Variants in PARP14 observed in about 807,000 individuals in gnomAD.
The protein encoded by PARP14 is protein mono-ADP-ribosyltransferase PARP14.
PARP14 carries 59 observed loss-of-function variants against 154.2 expected under a neutral mutation model. The ratio of observed to expected loss-of-function variants is 0.38; its 90% confidence interval spans 0.31 to 0.48. PARP14 has a LOEUF of 0.48. Among genes scored for constraint, PARP14 ranks in the 20% least tolerant of loss-of-function variants. PARP14 has a pLI of 0.98. For missense variants in PARP14, 1,734 were observed against 2,131.6 expected, an observed-to-expected ratio of 0.81 and a Z score of 3.67; for synonymous variants, 720 against 780.5, an observed-to-expected ratio of 0.92 and a Z score of 1.29.
Position 122,699,896 on chromosome 3 carries a change from C to G in PARP14, c.1342C>G (p.Gln448Glu), listed in dbSNP as rs202159635. Reference protein sequence around the residue: ...KSEDVQSIEVQVRELIESTTQ... With the variant: ...KSEDVQSIEVEVRELIESTTQ... The stretch of plus-strand genomic sequence containing the variant: ...AGAGGATGTCCAAAGCATTGAGGTA[C>G]AAGTCAGGGAGTTAATAGAAAGCAC... The change falls in exon 6 of 17, where the codon CAA becomes GAA. Residue 448 changes from glutamine (Q) to glutamate (E), a missense_variant. Gln to Glu is a conservative substitution (Grantham distance 29). This residue lies in a region of PARP14 where 1,646 missense variants were observed against 1,976.0 expected (regional missense o/e 0.83). Transcript: ENST00000474629. 2.0e-5 allele frequency: 33 copies of G among 1,613,726 alleles called. No individual in the cohort carries two copies. Among genetic ancestry groups the G allele is most frequent in the South Asian group, 6.6e-5 (6 of 91,084 alleles).
intron 2 of PARP14, among the ~76,000 whole-genome samples, chr3:122,686,280 A>G (rs746647140): frequency 1.3e-4 from 19 of 151,794 alleles, no homozygotes; most frequent in Non-Finnish European, 2.5e-4. Flanking sequence ...CAGCCTCCCC[A>G]GTAGCTGGGA....
In PARP14 at chr3:122,694,041, G is replaced by A. The variant is rs1325251396; in HGVS notation, c.599-1385G>A. 2.0e-5 allele frequency among the ~76,000 whole-genome samples: 3 copies of A among 152,280 alleles called. No homozygotes were observed. The East Asian group carries it at 5.8e-4, about 29-fold the overall frequency. Reference sequence around the variant, plus strand: ...TTAATATGTGCCAGGCACTGGTCTAGGTGCTGTGGGCACAGAGATGAATAA... The same window carrying A: ...TTAATATGTGCCAGGCACTGGTCTAAGTGCTGTGGGCACAGAGATGAATAA... On this transcript the variant is annotated intron_variant, in intron 4 of 16. Coordinates refer to ENST00000474629, the MANE Select transcript of PARP14 (RefSeq NM_017554.3).
In PARP14 at chr3:122,704,877, C is replaced by CTTGTAG. The variant is rs1044066966; in HGVS notation, c.3540+142_3540+147dup. ...CAGGAAAGTAAGAAGGTAGTTTATA[C>CTTGTAG]TTGTAGTTGTAGTTGTAGCATGACA... On this transcript the variant is annotated intron_variant, in intron 8 of 16. Transcript: ENST00000474629. The CTTGTAG allele has an allele frequency of 2.1e-5, 13 of 617,044 alleles. 1 individual carries two copies. The highest frequency in any genetic ancestry group is 3.4e-5 in the Non-Finnish European group (12 of 348,546). The allele number at this position is 617,044 out of a possible 1,614,324, so 38.2% of individuals were successfully genotyped here. A position where few individuals can be genotyped will look rare whatever the true frequency, so the allele number is the denominator to read the frequency against.
intron 9 of PARP14, among the ~76,000 whole-genome samples, chr3:122,708,514 A>C (rs1417450969): frequency 6.6e-6 from 1 of 152,234 alleles, no homozygotes; most frequent in African/African-American, 2.4e-5. Flanking sequence ...CAAGACTACC[A>C]TTTCCTGAGG....
intron 9 of PARP14, 69 bp from the exon 10 acceptor site, chr3:122,713,355 T>C: frequency 7.4e-7 from 1 of 1,350,528 alleles, no homozygotes; most frequent in African/African-American, 1.4e-5. Flanking sequence ...GGGTCCCATG[T>C]GAGCAGGATA....
chr3:122,711,417 C>G (rs1017305872), intron 9 of PARP14, among the ~76,000 whole-genome samples: 1 of 152,128 alleles, frequency 6.6e-6, no homozygotes, highest in Non-Finnish European at 1.5e-5. Flanking sequence ...TAAACCATCC[C>G]TGCATCCCTG....
Position 122,699,544 on chromosome 3 carries a change from A to G in PARP14, c.990A>G (p.Leu330=). The change falls in exon 6 of 17, where the codon TTA becomes TTG. Residue 330 remains leucine, a synonymous_variant. Coordinates refer to ENST00000474629, the MANE Select transcript of PARP14 (RefSeq NM_017554.3). ...APFEESLDLP[L]WKFLQKKNHL... is the part of the protein sequence containing the mutation. The stretch of plus-strand genomic sequence containing the variant: ...TTGAAGAGTCACTAGATCTTCCCTT[A>G]TGGAAGTTCTTACAGAAAAAGAATC... 1 of 1,614,022 alleles carries G rather than the reference A, an allele frequency of 6.2e-7. No individual in the cohort carries two copies. Among genetic ancestry groups the G allele is most frequent in the East Asian group, 2.2e-5 (1 of 44,876 alleles).
At chr3:122,721,965 G>A (rs945678131) in intron 15 of PARP14, 2 of 152,202 alleles carry the variant, frequency 1.3e-5, no homozygotes, top group African/African-American at 4.8e-5. Context: ...CGAACTGCTA[G>A]TTCTCAAAAA....
chr3:122,725,160 C>G (rs954755939), intron 15 of PARP14, among the ~76,000 whole-genome samples: 9 of 152,196 alleles, frequency 5.9e-5, no homozygotes, highest in African/African-American at 2.2e-4. Flanking sequence ...GTCGCTGTCT[C>G]TTCGGAGCTG....
chr3:122,687,293 T>C (rs16833393), intron 3 of PARP14, among the ~76,000 whole-genome samples, 180 bp downstream of exon 3: 13,257 of 152,234 alleles, frequency 0.087, 667 homozygotes, highest in East Asian at 0.13. Flanking sequence ...AGGGTGGCTT[T>C]TAGCGCTCAG....
intron 4 of PARP14, among the ~76,000 whole-genome samples, chr3:122,693,316 C>G (rs967167834): frequency 7.4e-6 from 1 of 134,556 alleles, no homozygotes; most frequent in Non-Finnish European, 1.7e-5. Flanking sequence ...CCACCCAAAA[C>G]AAGTACATTT....
At chr3:122,719,878 T>A (rs1933115078) in intron 14 of PARP14, among the ~76,000 whole-genome samples, 1 of 152,206 alleles carries the variant, frequency 6.6e-6, no homozygotes, top group South Asian at 2.1e-4. Context: ...AGCAACTACT[T>A]AGAACACTGT....
chr3:122,694,597 T>C (rs1164589088), intron 4 of PARP14, among the ~76,000 whole-genome samples: 1 of 152,156 alleles, frequency 6.6e-6, no homozygotes, highest in East Asian at 1.9e-4. Context: ...TGCAATGCAG[T>C]GGCGTGATCT....
At chr3:122,685,107 C>T in intron 1 of PARP14, 78 bp from the exon 2 acceptor site, 1 of 1,521,056 alleles carries the variant, frequency 6.6e-7, no homozygotes, top group Non-Finnish European at 9.1e-7. Context: ...GGTAATGCAG[C>T]CCACGGAAAT....
At position 122,701,181 on chromosome 3, in the gene PARP14, A is replaced by G; in HGVS notation, c.2627A>G (p.His876Arg). 2 of 1,613,638 alleles carry G rather than the reference A, an allele frequency of 1.2e-6. No homozygotes were observed. Among genetic ancestry groups the G allele is most frequent in the Middle Eastern group, 1.6e-4 (1 of 6,062 alleles). Residue 876 changes from histidine (H) to arginine (R), a missense_variant, in exon 6 of 17, where the codon CAC becomes CGC. By Grantham distance (29) the His-to-Arg change is conservative. Around this residue, in one of 2 missense-constraint regions of PARP14, gnomAD observed 1,646 missense variants for 1,976.0 expected, o/e 0.83. Coordinates refer to ENST00000474629, the MANE Select transcript of PARP14 (RefSeq NM_017554.3). This position sits in a 1 kb window ranked among gnomAD's most constrained non-coding sequence, Gnocchi z 4.0. ...ISKAGKLPYHHVIHAVGPRWS... is the reference protein window; with the variant it reads ...ISKAGKLPYHRVIHAVGPRWS... ...AAGGCAGGAAAGCTGCCCTACCACC[A>G]CGTGATCCATGCAGTGGGGCCCCGC...
chr3:122,713,537 G>A lies in PARP14; in HGVS notation c.3733G>A (p.Val1245Ile), dbSNP rs776091752. The A allele has an allele frequency of 1.9e-6, 3 of 1,613,722 alleles. No homozygotes were observed. The highest frequency in any genetic ancestry group is 2.5e-6 in the Non-Finnish European group (3 of 1,179,682). Residue 1245 changes from valine to isoleucine, a missense_variant, in exon 10 of 17, where the codon GTA (valine) becomes ATA (isoleucine). Physicochemically the swap from Val to Ile is conservative, Grantham distance 29. Transcript: ENST00000474629. ...DITKEEADVI[V>I]NSTSNSFNLK... The stretch of plus-strand genomic sequence containing the variant: ...CACGAAAGAAGAGGCAGATGTGATT[G>A]TAAATTCAACATCAAACTCATTCAA...
chr3:122,714,521 T>A, intron 12 of PARP14, 92 bp downstream of exon 12: 1 of 961,980 alleles, frequency 1.0e-6, no homozygotes, highest in Non-Finnish European at 1.5e-6. Context: ...GTGCTGAGTC[T>A]GACCCAGGGC....
chr3:122,719,380 T>A (rs1012754858), intron 14 of PARP14, among the ~76,000 whole-genome samples: 2 of 152,186 alleles, frequency 1.3e-5, no homozygotes, highest in African/African-American at 4.8e-5. Context: ...GTGTGCCCTC[T>A]CTGTGTCTGA....
In PARP14 at chr3:122,685,240, A is replaced by G; in HGVS notation, c.243A>G (p.Gly81=). 2 of 1,613,896 alleles carry G rather than the reference A, an allele frequency of 1.2e-6. No individual in the cohort carries two copies. The highest frequency in any genetic ancestry group is 1.7e-6 in the Non-Finnish European group (2 of 1,179,768). The change falls in exon 2 of 17, where the codon GGA becomes GGG. Residue 81 remains glycine, a synonymous_variant. Transcript: ENST00000474629. ...KNHELVWQGK[G]TFKLTVQLPA... is the part of the protein sequence containing the mutation. ...ATGAGTTGGTATGGCAAGGAAAAGG[A>G]ACATTCAAGTTAACTGTCCAGTTAC...
Sources: gnomAD v4.1 joint callset for allele counts (sites outside exome capture counted in the v4.1 genomes callset) on GRCh38, gnomAD v4.1.1 for gene constraint, gnomAD v4.1.1 regional missense constraint, Gnocchi (gnomAD v3.1) non-coding constraint, MANE v1.5 for transcripts, NCBI Gene and HGNC (gene_info 2026-07-23, HGNC 2026-07-21) for gene names.